NR1H4: variants seen among roughly 807,000 people sequenced by gnomAD.
NR1H4 encodes bile acid receptor.
In NR1H4, 23 loss-of-function variants were observed where a neutral mutation model predicts 58.5. That is an observed-to-expected ratio of 0.39 (90% CI 0.28 to 0.56). The LOEUF (loss-of-function observed/expected upper bound fraction) is 0.56, where lower values mean the gene tolerates loss of function less well. Among genes scored for constraint, NR1H4 ranks in the 20% least tolerant of loss-of-function variants. NR1H4 has a pLI of 0.58. For missense variants in NR1H4, 487 were observed against 576.9 expected (o/e 0.84, Z 1.60); for synonymous variants, 214 against 198.0 (o/e 1.08, Z -0.68).
At chr12:100,560,139 A>G (rs1271087237) in intron 9 of NR1H4, among the ~76,000 whole-genome samples, 3 of 151,982 alleles carry the variant, frequency 2.0e-5, no homozygotes, top group Non-Finnish European at 4.4e-5. Flanking sequence ...AACTAATCTG[A>G]TGGGGACGTG....
intron 3 of NR1H4, among the ~76,000 whole-genome samples, chr12:100,504,297 C>CG (rs1953907145): frequency 1.3e-5 from 2 of 151,988 alleles, no homozygotes; most frequent in African/African-American, 4.8e-5. Flanking sequence ...AGAAAAAACT[C>CG]GAGTCATTTT....
At chr12:100,476,490 T>TA (rs1242482470) in intron 1 of NR1H4, among the ~76,000 whole-genome samples, 7 of 152,138 alleles carry the variant, frequency 4.6e-5, no homozygotes, top group African/African-American at 1.7e-4. Context: ...CTGCTGTGAT[T>TA]AGGGACATCT....
chr12:100,506,042 CAGAG>C (rs1209603063), intron 3 of NR1H4, among the ~76,000 whole-genome samples: 242 of 117,502 alleles, frequency 2.1e-3, no homozygotes, highest in African/African-American at 7.0e-3. Flanking sequence ...CACACACACA[CAGAG>C]AGAGAGAGAG....
chr12:100,535,016 C>T lies in NR1H4; in HGVS notation c.725C>T (p.Ser242Leu), dbSNP rs764421287. Residue 242 changes from serine to leucine, a missense_variant, in exon 6 of 11, where the codon TCA becomes TTA. Ser to Leu is a moderately radical substitution (Grantham distance 145, BLOSUM62 -2). Coordinates refer to ENST00000392986, the MANE Select transcript of NR1H4 (RefSeq NM_001206979.2). ...DLRQVTSTTKSCREKTELTPD... is the reference protein window; with the variant it reads ...DLRQVTSTTKLCREKTELTPD... ...CGACAAGTGACCTCGACAACAAAGT[C>T]ATGCAGGGTAATAATATGCAATGGT... is the stretch of plus-strand genomic sequence containing the variant. The T allele has an allele frequency of 3.7e-6, 6 of 1,614,028 alleles. No homozygotes were observed. In the Admixed American group the frequency reaches 6.7e-5, roughly 18 times the overall value.
intron 3 of NR1H4, among the ~76,000 whole-genome samples, chr12:100,506,040 C>G (rs55744864): frequency 0.01 from 1,331 of 131,290 alleles, 16 homozygotes; most frequent in African/African-American, 0.044. Flanking sequence ...CACACACACA[C>G]ACAGAGAGAG....
At chr12:100,545,452 C>A (rs1169885536) in intron 9 of NR1H4, among the ~76,000 whole-genome samples, 1 of 151,548 alleles carries the variant, frequency 6.6e-6, no homozygotes, top group Non-Finnish European at 1.5e-5. Context: ...CCAGCCTGAG[C>A]CACAGAGCGA....
At chr12:100,493,178 T>G (rs961298277) in intron 2 of NR1H4, 92 bp from the exon 3 acceptor site, 78 of 650,642 alleles carry the variant, frequency 1.2e-4, no homozygotes, top group Admixed American at 2.2e-4. Flanking sequence ...CCATTTGTAC[T>G]TTCGTAAACT....
intron 1 of NR1H4, among the ~76,000 whole-genome samples, chr12:100,483,722 G>A (rs567133268): frequency 5.4e-4 from 82 of 152,132 alleles, no homozygotes; most frequent in Non-Finnish European, 7.8e-4. Flanking sequence ...GGTGGCTCAC[G>A]CCTGTAATCC....
At chr12:100,506,002 A>AAC (rs398020830) in intron 3 of NR1H4, among the ~76,000 whole-genome samples, 36,132 of 140,902 alleles carry the variant, frequency 0.26, 4,588 homozygotes, top group East Asian at 0.35. Flanking sequence ...AAGTGTTTAT[A>AAC]ACACACACAC....
intron 4 of NR1H4, among the ~76,000 whole-genome samples, chr12:100,527,447 C>A (rs1281051368): frequency 9.2e-5 from 14 of 151,980 alleles, no homozygotes; most frequent in Admixed American, 9.2e-4. Flanking sequence ...GTGAGAGGAT[C>A]GCTTGAGCCC....
Position 100,540,724 on chromosome 12 carries a change from G to C in NR1H4, c.984G>C (p.Ala328=). Residue 328 remains alanine, a synonymous_variant, in exon 9 of 11, where the codon GCG becomes GCC. Coordinates refer to ENST00000392986, the MANE Select transcript of NR1H4 (RefSeq NM_001206979.2). ...EDQIALLKGS[A]VEAMFLRSAE... is the part of the protein sequence containing the mutation. ...AGATTGCTTTGCTGAAAGGGTCTGC[G>C]GTTGAAGCTATGTTCCTTCGTTCAG... 6.2e-7 allele frequency: 1 copy of C among 1,614,130 alleles called. No homozygotes were observed. Among genetic ancestry groups the C allele is most frequent in the Non-Finnish European group, 8.5e-7 (1 of 1,179,990 alleles).
At position 100,561,888 on chromosome 12, in the gene NR1H4, T is replaced by C; in HGVS notation, c.1082T>C (p.Ile361Thr). 1 of 1,232,018 alleles carries C rather than the reference T, an allele frequency of 8.1e-7. No individual in the cohort carries two copies. Among genetic ancestry groups the C allele is most frequent in the Non-Finnish European group, 1.2e-6 (1 of 831,980 alleles). The allele number at this position is 1,232,018 out of a possible 1,614,324, so 76.3% of individuals were successfully genotyped here. ...LLEERIRNSG[I>T]SDEYITPMFS... Reference sequence around the variant, plus strand: ...TGATTGCAACTTTCCCCCACAGGTATCTCTGATGAATATATAACACCTATG... The same window carrying C: ...TGATTGCAACTTTCCCCCACAGGTACCTCTGATGAATATATAACACCTATG... The change falls in exon 10 of 11, where the codon ATC (isoleucine) becomes ACC (threonine). Residue 361 changes from isoleucine to threonine, a missense_variant. Coordinates refer to ENST00000392986, the MANE Select transcript of NR1H4 (RefSeq NM_001206979.2).
At chr12:100,546,520 C>T (rs1354344975) in intron 9 of NR1H4, among the ~76,000 whole-genome samples, 1 of 151,972 alleles carries the variant, frequency 6.6e-6, no homozygotes, top group African/African-American at 2.4e-5. Context: ...ATAGTGAAAC[C>T]TTGTCTCTAT....
intron 1 of NR1H4, among the ~76,000 whole-genome samples, chr12:100,489,152 C>G (rs1953555118): frequency 6.6e-6 from 1 of 152,098 alleles, no homozygotes. Context: ...GTTGCTAATC[C>G]CAGTAAGAAG....
chr12:100,501,127 C>T (rs1953824463), intron 3 of NR1H4, among the ~76,000 whole-genome samples: 1 of 151,456 alleles, frequency 6.6e-6, no homozygotes. Flanking sequence ...TAATCCTGCT[C>T]ATTTCTTATC....
At chr12:100,497,638 C>T (rs746341842) in intron 3 of NR1H4, among the ~76,000 whole-genome samples, 2 of 152,114 alleles carry the variant, frequency 1.3e-5, no homozygotes, top group East Asian at 1.9e-4. Flanking sequence ...AGAGATTCGT[C>T]TCCTTTCCTC....
rs1203332566 is a variant in NR1H4 at position 100,473,876 on chromosome 12, C to T, written c.-373C>T. 3.9e-5 allele frequency: 6 copies of T among 152,458 alleles called. No homozygotes were observed. Among genetic ancestry groups the T allele is most frequent in the Admixed American group, 1.3e-4 (2 of 15,304 alleles). 9.4% of individuals were successfully genotyped at this position (152,458 alleles called of 1,614,324 possible). ...TGCTGCTGCTAGCCCAGAAGGCCGC[C>T]TGTGATCATGCACAGTACACTGGAA... On this transcript the variant is annotated 5_prime_UTR_variant, in exon 1 of 11. Coordinates refer to ENST00000392986, the MANE Select transcript of NR1H4 (RefSeq NM_001206979.2).
chr12:100,554,217 C>T (rs1955271005), intron 9 of NR1H4, among the ~76,000 whole-genome samples: 1 of 152,138 alleles, frequency 6.6e-6, no homozygotes, highest in Non-Finnish European at 1.5e-5. Flanking sequence ...ACCTTGACCT[C>T]TGTGCTATGG....
rs374213870 is a variant in NR1H4 at position 100,536,626 on chromosome 12, G to T, written c.831+16G>T. Reference sequence around the variant, plus strand: ...AAATAAAATTGTATGTATAATATCTGAAAATATGTGGGTTTAAAGTTAATA... The same window carrying T: ...AAATAAAATTGTATGTATAATATCTTAAAATATGTGGGTTTAAAGTTAATA... On this transcript the variant is annotated intron_variant, in intron 7 of 10. Transcript: ENST00000392986. The T allele has an allele frequency of 5.2e-6, 7 of 1,333,470 alleles. No individual in the cohort carries two copies. The highest frequency in any genetic ancestry group is 4.3e-5 in the African/African-American group (3 of 69,350). The allele number at this position is 1,333,470 out of a possible 1,614,324, so 82.6% of individuals were successfully genotyped here.
Sources: allele counts gnomAD v4.1 joint callset (sites outside exome capture counted in the v4.1 genomes callset), GRCh38; gene constraint gnomAD v4.1.1; transcripts MANE v1.5; gene names NCBI Gene and HGNC (gene_info 2026-07-23, HGNC 2026-07-21).